NBPF15: variants seen among roughly 807,000 people sequenced by gnomAD.
NBPF15 encodes the protein NBPF member 15.
In NBPF15, 74 loss-of-function variants were observed where a neutral mutation model predicts 62.2. The ratio of observed to expected loss-of-function variants is 1.19; its 90% CI spans 0.99 to 1.44. The LOEUF is 1.44. NBPF15 is among the 40% of genes most tolerant of loss of function. NBPF15 has a pLI of 0.00. For missense variants in NBPF15, 790 were observed against 550.0 expected (o/e 1.44, Z -4.36); for synonymous variants, 244 against 209.7 (o/e 1.16, Z -1.41).
At chr1:144,452,153 CA>C (rs1203476425) in intron 4 of NBPF15, among the ~76,000 whole-genome samples, 3 of 147,782 alleles carry the variant, frequency 2.0e-5, no homozygotes, top group Non-Finnish European at 4.5e-5. Flanking sequence ...ACTCCATCTC[CA>C]AAAAAAAAGA....
Position 144,423,064 on chromosome 1 carries a change from C to A in NBPF15, c.1962G>T (p.Thr654=), listed in dbSNP as rs781954402. 1 of 1,611,582 alleles carries A rather than the reference C, an allele frequency of 6.2e-7. No homozygotes were observed. The highest frequency in any genetic ancestry group is 2.2e-5 in the East Asian group (1 of 44,876). Residue 654 remains threonine (T), a synonymous_variant, in exon 22 of 22, where the codon ACG becomes ACT. Coordinates refer to ENST00000581897, the MANE Select transcript of NBPF15 (RefSeq NM_001385408.1). ...LYVDNRFFTL[T]VTSLHLVFQM... ...GGAACACCAGGTGGAGACTTGTCAC[C>A]GTCAAAGTAAAAAACCTATTGTCCA...
At position 144,428,008 on chromosome 1, in the gene NBPF15, A is replaced by T. The variant is rs1305198853; in HGVS notation, c.1041-18T>A. 4.0e-6 allele frequency: 3 copies of T among 754,038 alleles called. No homozygotes were observed. The highest frequency in any genetic ancestry group is 1.8e-5 in the Admixed American group (1 of 54,468). The allele number at this position is 754,038 out of a possible 1,614,324, so 46.7% of individuals were successfully genotyped here. ...TGCTGAGCCTGGAAAAGTGGGAAAA[A>T]GTAAAGAATAAGCCAGGGGGAATCA... On this transcript the variant is annotated intron_variant, in intron 15 of 21. Transcript: ENST00000581897.
chr1:144,431,351 G>A (rs1200520177), intron 13 of NBPF15, among the ~76,000 whole-genome samples: 10 of 149,596 alleles, frequency 6.7e-5, no homozygotes, highest in Admixed American at 2.0e-4. Context: ...ACAAAGGGAA[G>A]CCCATCAGAC....
intron 9 of NBPF15, 114 bp from the exon 10 acceptor site, chr1:144,437,223 T>G (rs1679173725): frequency 9.6e-7 from 1 of 1,047,092 alleles, no homozygotes; most frequent in South Asian, 1.3e-5. Flanking sequence ...AAGCAGAAGG[T>G]CAGCACATGT....
intron 13 of NBPF15, among the ~76,000 whole-genome samples, chr1:144,431,634 C>T: frequency 8.9e-6 from 1 of 111,938 alleles, no homozygotes. Flanking sequence ...TAATGCTACC[C>T]CTCCTCCCTC....
intron 3 of NBPF15, among the ~76,000 whole-genome samples, chr1:144,457,636 T>G (rs1649055878): frequency 6.6e-6 from 1 of 151,948 alleles, no homozygotes; most frequent in African/African-American, 2.4e-5. Flanking sequence ...AATACAGTGG[T>G]GAATAAGAGA....
At position 144,456,629 on chromosome 1, in the gene NBPF15, G is replaced by A; in HGVS notation, c.-524C>T. 6.7e-7 allele frequency: 1 copy of A among 1,492,928 alleles called. No individual in the cohort carries two copies. 92.5% of individuals were successfully genotyped at this position (1,492,928 alleles called of 1,614,324 possible). On this transcript the variant is annotated 5_prime_UTR_variant, in exon 4 of 22. Coordinates refer to ENST00000581897, the MANE Select transcript of NBPF15 (RefSeq NM_001385408.1). ...GAAGTTTCTACATCAGTACCTCGGA[G>A]AGTCCACTGGAAGCCCTGGACAGTG...
intron 4 of NBPF15, among the ~76,000 whole-genome samples, chr1:144,456,027 A>T (rs1647381317): frequency 6.6e-6 from 1 of 151,900 alleles, no homozygotes; most frequent in South Asian, 2.1e-4. Flanking sequence ...TTATACTGGC[A>T]ACTGAGCCAT....
chr1:144,440,007 G>T lies in NBPF15; in HGVS notation c.-4C>A. ...AAGGGCCGGCTGATACCACCATGCT[G>T]ACGTTTGTGGCAGAAGAGGTGGAGT... is the stretch of plus-strand genomic sequence containing the variant. On this transcript the variant is annotated 5_prime_UTR_variant, in exon 8 of 22. Coordinates refer to ENST00000581897, the MANE Select transcript of NBPF15 (RefSeq NM_001385408.1). 3 of 1,606,952 alleles carry T rather than the reference G, an allele frequency of 1.9e-6. No individual in the cohort carries two copies. The East Asian group carries it at 6.7e-5, about 36-fold the overall frequency.
chr1:144,445,332 AATATATAT>A (rs1246556657), intron 6 of NBPF15, among the ~76,000 whole-genome samples: 19 of 92,528 alleles, frequency 2.1e-4, no homozygotes, highest in African/African-American at 6.4e-4. Context: ...CAAAACGGTG[AATATATAT>A]ATATATATAT....
intron 13 of NBPF15, among the ~76,000 whole-genome samples, chr1:144,432,639 A>T (rs1274082539): frequency 6.6e-6 from 1 of 151,974 alleles, no homozygotes; most frequent in Non-Finnish European, 1.5e-5. Context: ...GGAAAACAAA[A>T]AAAGGCAGGG....
intron 6 of NBPF15, among the ~76,000 whole-genome samples, chr1:144,448,041 C>A (rs1352894783): frequency 2.0e-5 from 3 of 152,070 alleles, no homozygotes; most frequent in African/African-American, 7.2e-5. Context: ...TTCTGCAAGA[C>A]GCTTCTTCAC....
At chr1:144,427,581 G>T (rs1380797132) in intron 16 of NBPF15, among the ~76,000 whole-genome samples, 3 of 147,138 alleles carry the variant, frequency 2.0e-5, no homozygotes, top group African/African-American at 8.0e-5. Flanking sequence ...AACGTCATGA[G>T]AGTAGGATTA....
chr1:144,459,511 G>C (rs1210630016), intron 2 of NBPF15, 28 bp from the exon 3 acceptor site: 1 of 151,102 alleles, frequency 6.6e-6, no homozygotes, highest in Non-Finnish European at 1.5e-5. Context: ...AAAAAAGTTA[G>C]AGAATCTCCA....
At chr1:144,426,658 G>A (rs1571108497) in intron 17 of NBPF15, among the ~76,000 whole-genome samples, 1 of 151,252 alleles carries the variant, frequency 6.6e-6, no homozygotes, top group African/African-American at 2.4e-5. Flanking sequence ...GGGAGAGAGA[G>A]AGAGAGGAGA....
At chr1:144,457,869 C>T (rs1649280541) in intron 3 of NBPF15, among the ~76,000 whole-genome samples, 1 of 151,962 alleles carries the variant, frequency 6.6e-6, no homozygotes, top group Non-Finnish European at 1.5e-5. Context: ...GTGGGAGGAT[C>T]ATTTGAGCCC....
rs1553538493 is a variant in NBPF15 at position 144,423,026 on chromosome 1, A to T, written c.2000T>A (p.Ile667Lys). Reference protein sequence around the residue: ...SLHLVFQMGVIFPQ With the variant: ...SLHLVFQMGVKFPQ ...AGTAAGAGCTGCTTATTGTGGGAAT[A>T]TGACTCCCATCTGGAACACCAGGTG... The change falls in exon 22 of 22, where the codon ATA becomes AAA. Residue 667 changes from isoleucine (I) to lysine (K), a missense_variant. Physicochemically the swap from Ile to Lys is moderately radical, Grantham distance 102. Transcript: ENST00000581897. The T allele has an allele frequency of 1.9e-6, 3 of 1,611,550 alleles. No homozygotes were observed. Among genetic ancestry groups the T allele is most frequent in the Non-Finnish European group, 2.5e-6 (3 of 1,179,646 alleles).
At chr1:144,426,848 C>G (rs1268128345) in intron 17 of NBPF15, among the ~76,000 whole-genome samples, 199 bp downstream of exon 17, 8 of 147,912 alleles carry the variant, frequency 5.4e-5, no homozygotes, top group Non-Finnish European at 7.5e-5. Context: ...TATGGTCAAC[C>G]TATAGTAAGT....
rs1351576779 is a variant in NBPF15 at position 144,426,285 on chromosome 1, G to A, written c.1431C>T (p.Asp477=). The change falls in exon 18 of 22, where the codon GAC becomes GAT. Residue 477 remains aspartate, a synonymous_variant. Coordinates refer to ENST00000581897, the MANE Select transcript of NBPF15 (RefSeq NM_001385408.1). ...TCACAGTAAGGTACTCACTGTCCAC[G>A]TCAAGAGCCAAGCCAAGGTACTGTT... is the stretch of plus-strand genomic sequence containing the variant. The part of the protein sequence containing the change: ...LEEQYLGLAL[D]VDRIKKDQEE... 3.7e-5 allele frequency: 23 copies of A among 615,136 alleles called. No individual in the cohort carries two copies. Among genetic ancestry groups the A allele is most frequent in the African/African-American group, 6.4e-5 (3 of 46,820 alleles). 38.1% of individuals were successfully genotyped at this position (615,136 alleles called of 1,614,324 possible). A position where few individuals can be genotyped will look rare whatever the true frequency, so the allele number is the denominator to read the frequency against.
Sources: allele counts gnomAD v4.1 joint callset (sites outside exome capture counted in the v4.1 genomes callset), GRCh38; gene constraint gnomAD v4.1.1; transcripts MANE v1.5; gene names NCBI Gene and HGNC (gene_info 2026-07-23, HGNC 2026-07-21).